GNAL: variants seen among roughly 807,000 people sequenced by gnomAD.
GNAL encodes the protein G protein subunit alpha L.
GNAL carries 18 observed loss-of-function variants against 55.1 expected under a neutral mutation model. That is an observed-to-expected ratio of 0.33 (90% confidence interval 0.23 to 0.48). The LOEUF (loss-of-function observed/expected upper bound fraction) is 0.48, where lower values mean the gene tolerates loss of function less well. GNAL is among the 20% of genes least tolerant of loss of function. The pLI, the probability that GNAL is intolerant of heterozygous loss-of-function variation, is 0.99. For missense variants in GNAL, 412 were observed against 614.1 expected (o/e 0.67, Z 3.48); for synonymous variants, 253 against 237.0 (o/e 1.07, Z -0.62).
chr18:11,735,239 C>T (rs535482859), intron 1 of GNAL, among the ~76,000 whole-genome samples: 130 of 151,766 alleles, frequency 8.6e-4, no homozygotes, highest in African/African-American at 2.9e-3. Context: ...TTGGTAGAGA[C>T]GGGGTTTCAC....
chr18:11,715,460 C>CAAAAAA (rs34339537), intron 1 of GNAL, among the ~76,000 whole-genome samples: 3 of 67,726 alleles, frequency 4.4e-5, no homozygotes, highest in African/African-American at 8.1e-5. Context: ...GACTCCATCT[C>CAAAAAA]AAAAAAAAAA....
chr18:11,825,065 C>A, intron 5 of GNAL, 50 bp downstream of exon 5: 1 of 907,018 alleles, frequency 1.1e-6, no homozygotes, highest in Non-Finnish European at 1.8e-6. Flanking sequence ...AATATGATTG[C>A]ATGCATGATT....
At chr18:11,723,011 CAAAAAA>C (rs61457198) in intron 1 of GNAL, among the ~76,000 whole-genome samples, 96 of 80,000 alleles carry the variant, frequency 1.2e-3, no homozygotes, top group African/African-American at 5.1e-3. Flanking sequence ...AACTTCATCT[CAAAAAA>C]AAAAAAAAAA....
At chr18:11,699,822 G>A (rs1598400812) in intron 1 of GNAL, among the ~76,000 whole-genome samples, 1 of 152,230 alleles carries the variant, frequency 6.6e-6, no homozygotes, top group African/African-American at 2.4e-5. Flanking sequence ...CGCCAAGAGG[G>A]AACCCTAGTG....
intron 4 of GNAL, among the ~76,000 whole-genome samples, chr18:11,765,552 C>G (rs2033378316): frequency 6.6e-6 from 1 of 152,164 alleles, no homozygotes; most frequent in Non-Finnish European, 1.5e-5. Flanking sequence ...TGATCATTCT[C>G]TCTTCACCCA....
chr18:11,836,974 G>T (rs1383143312), intron 5 of GNAL, among the ~76,000 whole-genome samples: 1 of 152,146 alleles, frequency 6.6e-6, no homozygotes, highest in Non-Finnish European at 1.5e-5. Flanking sequence ...TTTTTCTTGA[G>T]ATGGAGTCTC....
chr18:11,724,239 G>T (rs954730405), intron 1 of GNAL, among the ~76,000 whole-genome samples: 4 of 152,114 alleles, frequency 2.6e-5, no homozygotes, highest in Admixed American at 6.5e-5. Flanking sequence ...CTCAGCCTCT[G>T]GGGGGGACCT....
intron 10 of GNAL, among the ~76,000 whole-genome samples, chr18:11,875,978 A>G (rs1172275108): frequency 1.3e-5 from 2 of 152,166 alleles, no homozygotes; most frequent in African/African-American, 2.4e-5. Context: ...CAGGCCTCTT[A>G]CAAGGATATA....
chr18:11,758,714 A>G lies in GNAL; in HGVS notation c.624+4769A>G, dbSNP rs2033143121. On this transcript the variant is annotated intron_variant, in intron 4 of 11. Transcript: ENST00000334049. ...TTCTCATGAATACACCCAAAGCTTC[A>G]GGTTATCTTTGTTCAAGGCTTGACT... 2.0e-5 allele frequency among the ~76,000 whole-genome samples: 3 copies of G among 152,216 alleles called. No homozygotes were observed. The South Asian group carries it at 6.2e-4, about 31-fold the overall frequency.
chr18:11,802,085 T>G (rs1432584277), intron 4 of GNAL, among the ~76,000 whole-genome samples: 3 of 152,212 alleles, frequency 2.0e-5, no homozygotes, highest in Non-Finnish European at 4.4e-5. Flanking sequence ...GACATTTTTT[T>G]TCTGGTAGGA....
In GNAL at chr18:11,863,987, C is replaced by T. The variant is rs76547007; in HGVS notation, c.778-546C>T. ...GATTCTTGCAGACATGATTTTAAGT[C>T]TTAAAACAAAAGCACAGTTATCAGG... On this transcript the variant is annotated intron_variant, in intron 6 of 11. Transcript: ENST00000334049. Among the ~76,000 whole-genome samples the T allele has an allele frequency of 1.8e-3, 280 of 152,092 alleles. 1 individual carries two copies. Among genetic ancestry groups the T allele is most frequent in the African/African-American group, 6.4e-3 (267 of 41,496 alleles).
chr18:11,847,397 T>TC (rs1555613262), intron 5 of GNAL, among the ~76,000 whole-genome samples: 2 of 149,984 alleles, frequency 1.3e-5, no homozygotes, highest in Non-Finnish European at 3.0e-5. Flanking sequence ...TCTTTTATTT[T>TC]CTTTTTTTTT....
chr18:11,772,054 T>TC (rs1362010545), intron 4 of GNAL, among the ~76,000 whole-genome samples: 1 of 152,016 alleles, frequency 6.6e-6, no homozygotes, highest in African/African-American at 2.4e-5. Flanking sequence ...TTCTCAGAAG[T>TC]CCCCCACATC....
intron 1 of GNAL, chr18:11,746,017 G>T (rs558565637): frequency 3.8e-5 from 12 of 315,120 alleles, no homozygotes; most frequent in African/African-American, 1.9e-4. Flanking sequence ...AGGGAGTCGG[G>T]TTTTGTTTAA....
At chr18:11,699,800 C>G (rs1342301497) in intron 1 of GNAL, among the ~76,000 whole-genome samples, 1 of 152,156 alleles carries the variant, frequency 6.6e-6, no homozygotes, top group African/African-American at 2.4e-5. Flanking sequence ...GTCCAACCCA[C>G]AGAATATACA....
chr18:11,695,922 GCA>G lies in GNAL; in HGVS notation c.376+6012_376+6013del, dbSNP rs10661294. On this transcript the variant is annotated intron_variant, in intron 1 of 11. Coordinates refer to ENST00000334049, the MANE Select transcript of GNAL (RefSeq NM_182978.4). ...CATGCTCAGACATGCATGCACGCATGCACACACACACACACACACACACACAC... is the reference window on the plus strand; with the variant it reads ...CATGCTCAGACATGCATGCACGCATGCACACACACACACACACACACACAC... 4.6e-3 allele frequency among the ~76,000 whole-genome samples: 629 copies of G among 135,518 alleles called. 4 individuals are homozygous for G. Among genetic ancestry groups the G allele is most frequent in the South Asian group, 0.02 (91 of 4,476 alleles). 88.9% of individuals were successfully genotyped at this position (135,518 alleles called of 152,430 possible).
intron 1 of GNAL, among the ~76,000 whole-genome samples, chr18:11,714,488 ACG>A (rs2031907881): frequency 6.6e-6 from 1 of 152,210 alleles, no homozygotes; most frequent in African/African-American, 2.4e-5. Context: ...CGTTTGTCTC[ACG>A]CTCAGTAAAT....
At chr18:11,825,451 C>G (rs2035215286) in intron 5 of GNAL, among the ~76,000 whole-genome samples, 1 of 152,120 alleles carries the variant, frequency 6.6e-6, no homozygotes, top group Non-Finnish European at 1.5e-5. Flanking sequence ...TACCAGAAGG[C>G]TGGGCCCGAT....
chr18:11,815,280 T>C (rs1409105734), intron 4 of GNAL, among the ~76,000 whole-genome samples: 1 of 152,222 alleles, frequency 6.6e-6, no homozygotes, highest in Non-Finnish European at 1.5e-5. Context: ...TAGTCCATTC[T>C]CTATATATTT....
Sources: gnomAD v4.1 joint callset for allele counts (sites outside exome capture counted in the v4.1 genomes callset) on GRCh38, gnomAD v4.1.1 for gene constraint, MANE v1.5 for transcripts, NCBI Gene and HGNC (gene_info 2026-07-23, HGNC 2026-07-21) for gene names.